Variants in GMDS observed in about 807,000 individuals in gnomAD.
GMDS encodes the protein GDP-mannose 4,6 dehydratase.
In GMDS, 20 loss-of-function variants were observed where a neutral mutation model predicts 49.9. The ratio of observed to expected loss-of-function variants is 0.40; its 90% CI spans 0.28 to 0.58. The LOEUF (loss-of-function observed/expected upper bound fraction) is 0.58, where lower values mean the gene tolerates loss of function less well. Ranked by LOEUF, GMDS falls within the 20% of genes least tolerant of loss-of-function variation. GMDS has a pLI of 0.42. For synonymous variants in GMDS, 177 were observed against 178.6 expected (o/e 0.99, Z 0.07); for missense variants, 362 against 481.4 (o/e 0.75, Z 2.32).
At chr6:2,050,727 C>T (rs991136127) in intron 4 of GMDS, among the ~76,000 whole-genome samples, 10 of 152,244 alleles carry the variant, frequency 6.6e-5, no homozygotes, top group Admixed American at 4.6e-4. Context: ...GTTCAACATA[C>T]GCAAATCAAT....
intron 4 of GMDS, among the ~76,000 whole-genome samples, chr6:2,098,483 G>A (rs923667814): frequency 5.3e-5 from 8 of 152,070 alleles, no homozygotes; most frequent in South Asian, 2.1e-4. Context: ...GAATTTGTAC[G>A]TAGTTTATAA....
chr6:1,711,280 G>GAGTCCTAC (rs1765952136), intron 9 of GMDS, among the ~76,000 whole-genome samples: 1 of 152,230 alleles, frequency 6.6e-6, no homozygotes, highest in South Asian at 2.1e-4. Flanking sequence ...GATCCCTGCA[G>GAGTCCTAC]AGTCCTACGT....
intron 7 of GMDS, among the ~76,000 whole-genome samples, chr6:1,890,717 CCT>C (rs1759829586): frequency 6.6e-6 from 1 of 152,124 alleles, no homozygotes; most frequent in African/African-American, 2.4e-5. Flanking sequence ...CTGGAATCTG[CCT>C]GTAATGTACC....
intron 7 of GMDS, among the ~76,000 whole-genome samples, chr6:1,844,465 C>T (rs867292717): frequency 6.6e-6 from 1 of 152,214 alleles, no homozygotes; most frequent in Non-Finnish European, 1.5e-5. Flanking sequence ...TCTTGGCATA[C>T]CATACTTTTT....
intron 7 of GMDS, among the ~76,000 whole-genome samples, chr6:1,892,877 T>G (rs1205729124): frequency 2.0e-5 from 3 of 152,204 alleles, no homozygotes; most frequent in Admixed American, 2.0e-4. Context: ...TCCCTTCTTA[T>G]GGCTGCTCCC....
intron 9 of GMDS, among the ~76,000 whole-genome samples, chr6:1,647,923 T>C (rs1249033479): frequency 6.6e-6 from 1 of 152,202 alleles, no homozygotes; most frequent in African/African-American, 2.4e-5. Context: ...TGGTCTTCCC[T>C]TGAACCACAG....
At chr6:2,041,462 T>C (rs1178934493) in intron 4 of GMDS, among the ~76,000 whole-genome samples, 1 of 152,222 alleles carries the variant, frequency 6.6e-6, no homozygotes, top group Non-Finnish European at 1.5e-5. Context: ...TGAGACATTT[T>C]TTACAGAGCC....
At chr6:2,199,576 G>A (rs1448386052) in intron 1 of GMDS, among the ~76,000 whole-genome samples, 1 of 152,022 alleles carries the variant, frequency 6.6e-6, no homozygotes, top group East Asian at 1.9e-4. Flanking sequence ...GCCTACTCAG[G>A]ACCTTGGCGC....
At chr6:2,243,301 C>A (rs187350775) in intron 1 of GMDS, among the ~76,000 whole-genome samples, 196 of 152,300 alleles carry the variant, frequency 1.3e-3, no homozygotes, top group African/African-American at 4.2e-3. Context: ...ACCTTCCTGG[C>A]CACTCAGTTC....
chr6:1,868,274 C>T (rs1388103539), intron 7 of GMDS, among the ~76,000 whole-genome samples: 5 of 152,128 alleles, frequency 3.3e-5, no homozygotes, highest in African/African-American at 4.8e-5. Flanking sequence ...CGTGATCCAC[C>T]GCACCCGGCC....
intron 7 of GMDS, among the ~76,000 whole-genome samples, chr6:1,765,506 T>G (rs1768316197): frequency 6.6e-6 from 1 of 152,176 alleles, no homozygotes; most frequent in Admixed American, 6.5e-5. Flanking sequence ...TTCATTCGCA[T>G]TGTTTCAGTG....
chr6:2,143,531 T>G (rs1436809067), intron 1 of GMDS, among the ~76,000 whole-genome samples: 1 of 152,206 alleles, frequency 6.6e-6, no homozygotes, highest in Admixed American at 6.5e-5. Flanking sequence ...TTGCCTATTC[T>G]AAAGTAATTT....
intron 9 of GMDS, among the ~76,000 whole-genome samples, chr6:1,642,317 C>A (rs1763355642): frequency 6.6e-6 from 1 of 152,006 alleles, no homozygotes. Context: ...CAGGAATGTG[C>A]CACCACGCCC....
intron 9 of GMDS, among the ~76,000 whole-genome samples, chr6:1,709,684 C>T (rs752430521): frequency 7.2e-5 from 11 of 152,208 alleles, no homozygotes; most frequent in Non-Finnish European, 1.3e-4. Flanking sequence ...ACCCACTCCT[C>T]TGGCTGCCCT....
At chr6:2,073,580 C>T (rs1037445954) in intron 4 of GMDS, among the ~76,000 whole-genome samples, 2 of 152,170 alleles carry the variant, frequency 1.3e-5, no homozygotes, top group African/African-American at 4.8e-5. Context: ...TACCCTGCTA[C>T]CAAATATTAG....
At chr6:1,675,463 C>T (rs567518744) in intron 9 of GMDS, among the ~76,000 whole-genome samples, 1 of 152,206 alleles carries the variant, frequency 6.6e-6, no homozygotes, top group East Asian at 1.9e-4. Flanking sequence ...TTAGAAAGGG[C>T]TTCCAGTGCA....
intron 7 of GMDS, among the ~76,000 whole-genome samples, chr6:1,929,660 A>G (rs12194687): frequency 0.031 from 3,907 of 124,076 alleles, 160 homozygotes; most frequent in East Asian, 0.23. Context: ...CAGCAGCAGA[A>G]AGCAGAGTTC....
intron 7 of GMDS, among the ~76,000 whole-genome samples, chr6:1,802,119 A>T (rs1469084117): frequency 6.6e-6 from 1 of 152,262 alleles, no homozygotes; most frequent in East Asian, 1.9e-4. Context: ...AAGTGAAAAA[A>T]TGTTGAAAGT....
chr6:2,175,813 A>C (rs1778256639), intron 1 of GMDS: 1 of 638,730 alleles, frequency 1.6e-6, no homozygotes, highest in Non-Finnish European at 2.8e-6. Flanking sequence ...AGCCCTTAAA[A>C]CATGTTGTAA....
Sources: allele counts gnomAD v4.1 joint callset (sites outside exome capture counted in the v4.1 genomes callset), GRCh38; gene constraint gnomAD v4.1.1; transcripts MANE v1.5; gene names NCBI Gene and HGNC (gene_info 2026-07-23, HGNC 2026-07-21).